The following DNAI1 variants were observed in gnomAD, a reference collection of about 807,000 sequenced individuals.
DNAI1 encodes the protein dynein axonemal intermediate chain 1.
In DNAI1, 67 loss-of-function variants were observed where a neutral mutation model predicts 92.0. The ratio of observed to expected loss-of-function variants is 0.73; its 90% confidence interval spans 0.60 to 0.89. The LOEUF is 0.89. Among genes scored for constraint, DNAI1 ranks in the 40% least tolerant of loss-of-function variants. The pLI is 0.00. For synonymous variants in DNAI1, 323 were observed against 319.6 expected (o/e 1.01, Z -0.11); for missense variants, 839 against 866.6 (o/e 0.97, Z 0.40).
At chr9:34,489,579 G>T (rs1824540070) in intron 5 of DNAI1, 130 bp downstream of exon 5, 3 of 1,182,984 alleles carry the variant, frequency 2.5e-6, no homozygotes, top group African/African-American at 3.0e-5. Context: ...GCCGGGCAGG[G>T]TGGTTCTTGC....
At chr9:34,503,054 G>C (rs936846791) in intron 12 of DNAI1, among the ~76,000 whole-genome samples, 1 of 152,160 alleles carries the variant, frequency 6.6e-6, no homozygotes, top group Non-Finnish European at 1.5e-5. Flanking sequence ...GCAGAGAAGG[G>C]GGGTGTGGAG....
chr9:34,506,897 G>GT, intron 13 of DNAI1, 23 bp downstream of exon 13: 2 of 1,610,524 alleles, frequency 1.2e-6, no homozygotes, highest in Non-Finnish European at 1.7e-6. Context: ...GCTGGGAGGG[G>GT]TGGGGATGGG....
intron 12 of DNAI1, among the ~76,000 whole-genome samples, chr9:34,505,833 C>T (rs911469424): frequency 6.6e-6 from 1 of 152,252 alleles, no homozygotes; most frequent in African/African-American, 2.4e-5. Context: ...TCTCCAGCTT[C>T]GGCTCCCCTG....
chr9:34,491,679 C>T, intron 8 of DNAI1, 125 bp downstream of exon 8: 1 of 1,018,604 alleles, frequency 9.8e-7, no homozygotes, highest in African/African-American at 1.6e-5. Context: ...ATCTACTTGC[C>T]TCCCTGCTCA....
At chr9:34,503,746 A>G (rs144680911) in intron 12 of DNAI1, among the ~76,000 whole-genome samples, 6 of 152,312 alleles carry the variant, frequency 3.9e-5, no homozygotes, top group African/African-American at 1.2e-4. Context: ...CTTCCCTTCT[A>G]TAGCTGCTGG....
At chr9:34,477,883 A>T (rs979002459) in intron 1 of DNAI1, among the ~76,000 whole-genome samples, 11 of 147,854 alleles carry the variant, frequency 7.4e-5, no homozygotes, top group Admixed American at 1.3e-4. Flanking sequence ...GCAGAAATAG[A>T]TCTGGGGAGA....
At position 34,500,709 on chromosome 9, in the gene DNAI1, G is replaced by C. The variant is rs45600639; in HGVS notation, c.902-13G>C. On this transcript the variant is annotated splice_polypyrimidine_tract_variant and intron_variant, in intron 10 of 19. Transcript: ENST00000242317. ...GGCAGTCCCAGGGCTGACTCTGCCT[G>C]TGTGTGTTTAAGATTTTAAGTACTA... 56 of 1,601,874 alleles carry C rather than the reference G, an allele frequency of 3.5e-5. No homozygotes were observed. The highest frequency in any genetic ancestry group is 4.6e-5 in the Non-Finnish European group (54 of 1,169,648).
chr9:34,502,579 C>T (rs1051989923), intron 12 of DNAI1, among the ~76,000 whole-genome samples: 5 of 152,124 alleles, frequency 3.3e-5, no homozygotes, highest in Admixed American at 2.0e-4. Flanking sequence ...TGGTCGGGGT[C>T]ATGTGGAGGC....
rs763257757 is a variant in DNAI1, at chr9:34,485,491, C to G, written c.235C>G (p.Gln79Glu). 4 of 1,614,186 alleles carry G rather than the reference C, an allele frequency of 2.5e-6. No homozygotes were observed. The highest frequency in any genetic ancestry group is 3.4e-6 in the Non-Finnish European group (4 of 1,180,036). ...ILTANNPHAP[Q>E]NIVRYSFKEG... ...GACAGCCAACAACCCACACGCACCCCAGAACATTGTCAGGTACAGCTTCAA... is the reference window on the plus strand; with the variant it reads ...GACAGCCAACAACCCACACGCACCCGAGAACATTGTCAGGTACAGCTTCAA... Residue 79 changes from glutamine to glutamate, a missense_variant, in exon 4 of 20, where the codon CAG (glutamine) becomes GAG (glutamate). Gln to Glu is a conservative substitution (Grantham distance 29, BLOSUM62 2). Transcript: ENST00000242317.
At chr9:34,504,322 A>G (rs931002402) in intron 12 of DNAI1, among the ~76,000 whole-genome samples, 1 of 152,238 alleles carries the variant, frequency 6.6e-6, no homozygotes, top group Non-Finnish European at 1.5e-5. Context: ...TTTGTTTGTC[A>G]GCTTCACTAA....
rs546069223 is a variant in DNAI1, at chr9:34,490,547, A to G, written c.621+59A>G. 3.7e-6 allele frequency: 6 copies of G among 1,611,534 alleles called. No homozygotes were observed. In the African/African-American group the frequency reaches 5.3e-5, roughly 14 times the overall value. ...TCTTCACTGTGCCTGGCAGGGAAGA[A>G]GCAGGCCTGACCCTGGCCCTAGCAG... On this transcript the variant is annotated intron_variant, in intron 7 of 19. Transcript: ENST00000242317.
At chr9:34,482,379 ACT>A (rs1824376949) in intron 1 of DNAI1, among the ~76,000 whole-genome samples, 2 of 141,294 alleles carry the variant, frequency 1.4e-5, no homozygotes, top group Non-Finnish European at 3.0e-5. Context: ...AGATATAAAG[ACT>A]CTGCACGTCC....
chr9:34,489,175 G>A (rs1238328212), intron 4 of DNAI1, 148 bp from the exon 5 acceptor site: 1 of 897,452 alleles, frequency 1.1e-6, no homozygotes, highest in Non-Finnish European at 1.8e-6. Context: ...GAAATGCAGT[G>A]AAAACTTCAG....
At position 34,483,530 on chromosome 9, in the gene DNAI1, T is replaced by C. The variant is rs138650631; in HGVS notation, c.81+50T>C. 2.9e-4 allele frequency: 456 copies of C among 1,551,128 alleles called. 2 individuals are homozygous for C. In the African/African-American group the frequency reaches 5.6e-3, roughly 19 times the overall value. On this transcript the variant is annotated intron_variant, in intron 2 of 19. Coordinates refer to ENST00000242317, the MANE Select transcript of DNAI1 (RefSeq NM_012144.4). ...TCTCAGCAAGATGCTAATAGTGTTTTTTTTGTTGAAAATATTATTTATGTG... is the reference window on the plus strand; with the variant it reads ...TCTCAGCAAGATGCTAATAGTGTTTCTTTTGTTGAAAATATTATTTATGTG...
intron 2 of DNAI1, 40 bp downstream of exon 2, chr9:34,483,520 A>G (rs2132055990): frequency 1.3e-6 from 2 of 1,586,926 alleles, no homozygotes; most frequent in East Asian, 2.2e-5. Context: ...GCAAGATGCT[A>G]ATAGTGTTTT....
Position 34,489,489 on chromosome 9 carries a change from T to C in DNAI1, c.388+40T>C, listed in dbSNP as rs768913213. On this transcript the variant is annotated intron_variant, in intron 5 of 19. Transcript: ENST00000242317. ...CATCCTGAAGCTACAGCCCTGAGCC[T>C]GTTCCCCTTATTCTGGTCACTCTAG... is the stretch of plus-strand genomic sequence containing the variant. 5.0e-6 allele frequency: 8 copies of C among 1,610,802 alleles called. No homozygotes were observed. The African/African-American group carries it at 1.1e-4, about 22-fold the overall frequency.
intron 1 of DNAI1, among the ~76,000 whole-genome samples, chr9:34,481,481 T>C (rs1306852336): frequency 1.3e-5 from 2 of 152,218 alleles, no homozygotes; most frequent in African/African-American, 4.8e-5. Context: ...TTTCTGAAAC[T>C]TGGGAAGGCT....
chr9:34,493,886 GGT>G (rs1432873175), intron 9 of DNAI1, among the ~76,000 whole-genome samples: 34 of 152,302 alleles, frequency 2.2e-4, no homozygotes, highest in Admixed American at 5.9e-4. Context: ...TCATTATAAA[GGT>G]CATGGTTGAG....
intron 1 of DNAI1, among the ~76,000 whole-genome samples, chr9:34,470,161 C>T (rs963571910): frequency 2.6e-5 from 4 of 152,020 alleles, no homozygotes; most frequent in Non-Finnish European, 4.4e-5. Context: ...CAAAAAGGCA[C>T]ATATGAAAAG....
Sources: gnomAD v4.1 joint callset for allele counts (sites outside exome capture counted in the v4.1 genomes callset) on GRCh38, gnomAD v4.1.1 for gene constraint, MANE v1.5 for transcripts, NCBI Gene and HGNC (gene_info 2026-07-23, HGNC 2026-07-21) for gene names.